The following GPC5 variants were observed in gnomAD, a reference collection of about 807,000 sequenced individuals.
GPC5 encodes glypican-5.
A neutral mutation model predicts 53.9 loss-of-function variants in GPC5; 47 were observed. The ratio of observed to expected loss-of-function variants is 0.87; its 90% CI spans 0.69 to 1.11. The LOEUF (loss-of-function observed/expected upper bound fraction) is 1.11, where lower values mean the gene tolerates loss of function less well. Among genes scored for constraint, GPC5 ranks in the 50% most tolerant of loss-of-function variants. GPC5 has a pLI of 0.00. For missense variants in GPC5, 748 were observed against 713.1 expected, an observed-to-expected ratio of 1.05 and a Z score of -0.56; for synonymous variants, 286 against 263.3, an observed-to-expected ratio of 1.09 and a Z score of -0.84.
intron 6 of GPC5, among the ~76,000 whole-genome samples, chr13:91,922,542 A>C (rs1451184128): frequency 6.6e-6 from 1 of 152,114 alleles, no homozygotes; most frequent in Non-Finnish European, 1.5e-5. Context: ...GACTTGAAAA[A>C]CACCAATTAT....
chr13:92,529,864 C>G (rs1881492042), intron 7 of GPC5, among the ~76,000 whole-genome samples: 1 of 151,928 alleles, frequency 6.6e-6, no homozygotes. Context: ...GGGGGCATCA[C>G]TTGAGCTCAT....
intron 7 of GPC5, among the ~76,000 whole-genome samples, chr13:92,651,930 C>T (rs561548423): frequency 1.3e-5 from 2 of 151,744 alleles, no homozygotes; most frequent in African/African-American, 2.4e-5. Flanking sequence ...TATGGAAGAA[C>T]GTCAAGGATA....
At chr13:92,592,499 G>A (rs1197048669) in intron 7 of GPC5, among the ~76,000 whole-genome samples, 1 of 151,168 alleles carries the variant, frequency 6.6e-6, no homozygotes, top group African/African-American at 2.4e-5. Flanking sequence ...GGGATGGAGT[G>A]GTAAGGACCA....
chr13:91,421,900 T>C (rs1878661749), intron 1 of GPC5, among the ~76,000 whole-genome samples: 1 of 152,220 alleles, frequency 6.6e-6, no homozygotes. Flanking sequence ...GCATGCTATG[T>C]AAAGCAGGTC....
At chr13:92,007,150 C>G (rs577050728) in intron 6 of GPC5, among the ~76,000 whole-genome samples, 5 of 152,090 alleles carry the variant, frequency 3.3e-5, no homozygotes, top group Non-Finnish European at 7.4e-5. Flanking sequence ...GCTGTTTTCA[C>G]AATTTACTCT....
At chr13:92,462,704 T>G (rs556533179) in intron 7 of GPC5, among the ~76,000 whole-genome samples, 37 of 149,008 alleles carry the variant, frequency 2.5e-4, no homozygotes, top group Non-Finnish European at 4.6e-4. Flanking sequence ...ACAAATTTTG[T>G]GTTTTGTTCA....
chr13:91,744,304 G>A (rs184297558), intron 4 of GPC5, among the ~76,000 whole-genome samples: 1 of 152,104 alleles, frequency 6.6e-6, no homozygotes, highest in African/African-American at 2.4e-5. Flanking sequence ...GGAATAAAAG[G>A]ATACCTAGGT....
At chr13:92,738,934 A>G (rs932495635) in intron 7 of GPC5, among the ~76,000 whole-genome samples, 1 of 152,086 alleles carries the variant, frequency 6.6e-6, no homozygotes, top group Non-Finnish European at 1.5e-5. Context: ...CCACAGTACT[A>G]TCTTATTGTG....
rs2031834889 is a variant in GPC5 at position 91,571,846 on chromosome 13, TATATACACATATAC to T, written c.326-121340_326-121327del. 6.1e-5 allele frequency among the ~76,000 whole-genome samples: 6 copies of T among 98,972 alleles called. 2 individuals are homozygous for T. The highest frequency in any genetic ancestry group is 1.0e-3 in the East Asian group (2 of 1,998). The allele number at this position is 98,972 out of a possible 152,430, so 64.9% of individuals were successfully genotyped here. A position where few individuals can be genotyped will look rare whatever the true frequency, so the allele number is the denominator to read the frequency against. On this transcript the variant is annotated intron_variant, in intron 2 of 7. Transcript: ENST00000377067. ...GTATATATACACATATACTTGTGTG[TATATACACATATAC>T]GTGTGTGTATATATACACACATATA...
chr13:91,523,406 A>C (rs1424588100), intron 2 of GPC5, among the ~76,000 whole-genome samples: 1 of 152,244 alleles, frequency 6.6e-6, no homozygotes, highest in African/African-American at 2.4e-5. Context: ...GTCTTAAGGA[A>C]GGAAATTCTG....
chr13:92,849,023 C>G (rs934022278), intron 7 of GPC5, among the ~76,000 whole-genome samples: 2 of 152,108 alleles, frequency 1.3e-5, no homozygotes, highest in African/African-American at 4.8e-5. Flanking sequence ...GTGTTCTCTC[C>G]TCACACACGC....
intron 6 of GPC5, among the ~76,000 whole-genome samples, chr13:92,102,084 GATATC>G (rs1334870540): frequency 6.6e-6 from 1 of 151,992 alleles, no homozygotes; most frequent in Non-Finnish European, 1.5e-5. Flanking sequence ...TTTAATGATT[GATATC>G]ATATAAATAG....
intron 7 of GPC5, among the ~76,000 whole-genome samples, chr13:92,344,803 A>G (rs2043396892): frequency 6.6e-6 from 1 of 152,126 alleles, no homozygotes; most frequent in African/African-American, 2.4e-5. Flanking sequence ...AAAGTTTTCC[A>G]TAGTCAAACT....
At chr13:92,372,023 C>T (rs527973433) in intron 7 of GPC5, among the ~76,000 whole-genome samples, 43 of 152,230 alleles carry the variant, frequency 2.8e-4, no homozygotes, top group Admixed American at 2.2e-3. Context: ...AAACGGTGAC[C>T]GCAGTCCTAC....
chr13:92,780,941 G>A (rs1393081531), intron 7 of GPC5, among the ~76,000 whole-genome samples: 1 of 151,766 alleles, frequency 6.6e-6, no homozygotes, highest in Non-Finnish European at 1.5e-5. Context: ...ATTCTTTTGG[G>A]AAAATTATAT....
chr13:92,222,225 TGTC>T (rs2042454605), intron 7 of GPC5, among the ~76,000 whole-genome samples: 2 of 152,156 alleles, frequency 1.3e-5, no homozygotes, highest in African/African-American at 4.8e-5. Context: ...ACCAGACTAT[TGTC>T]GTCACTGAAC....
chr13:92,435,611 G>T (rs1877273444), intron 7 of GPC5, among the ~76,000 whole-genome samples: 1 of 152,184 alleles, frequency 6.6e-6, no homozygotes, highest in Admixed American at 6.5e-5. Context: ...AAAGAGAACT[G>T]AGTCATGGGC....
At chr13:91,532,554 G>C (rs2138673580) in intron 2 of GPC5, among the ~76,000 whole-genome samples, 1 of 152,172 alleles carries the variant, frequency 6.6e-6, no homozygotes, top group South Asian at 2.1e-4. Context: ...AGTTGGTAAG[G>C]AAAAATAAAT....
chr13:92,183,903 A>AT (rs1344582493), intron 7 of GPC5, among the ~76,000 whole-genome samples: 5 of 151,968 alleles, frequency 3.3e-5, no homozygotes, highest in Admixed American at 2.6e-4. Context: ...TAGTTTACCA[A>AT]TTTTCTCTTT....
Sources: allele counts gnomAD v4.1 joint callset (sites outside exome capture counted in the v4.1 genomes callset), GRCh38; gene constraint gnomAD v4.1.1; transcripts MANE v1.5; gene names NCBI Gene and HGNC (gene_info 2026-07-23, HGNC 2026-07-21).